COL26A1: variants seen among roughly 807,000 people sequenced by gnomAD.
The protein encoded by COL26A1 is collagen alpha-1(XXVI) chain.
Under a neutral mutation model 59.3 loss-of-function variants are expected in COL26A1, and 41 were observed. That is an observed-to-expected ratio of 0.69 (90% CI 0.54 to 0.90). The LOEUF (loss-of-function observed/expected upper bound fraction) is 0.90. Among genes scored for constraint, COL26A1 ranks in the 40% least tolerant of loss-of-function variants. The pLI, the probability that COL26A1 is intolerant of heterozygous loss-of-function variation, is 0.00. For missense variants in COL26A1, 612 were observed against 602.3 expected, an observed-to-expected ratio of 1.02 and a Z score of -0.17; for synonymous variants, 266 against 256.0, an observed-to-expected ratio of 1.04 and a Z score of -0.37.
chr7:101,520,627 G>GACAC lies in COL26A1; in HGVS notation c.386-12453_386-12450dup, dbSNP rs1250474937. ...AGAACCAGGTTGACAGACAAGCACA[G>GACAC]ACACATACACACACACACACACACA... On this transcript the variant is annotated intron_variant, in intron 3 of 12. Coordinates refer to ENST00000313669, the MANE Select transcript of COL26A1 (RefSeq NM_001278563.3). 9.9e-3 allele frequency among the ~76,000 whole-genome samples: 878 copies of GACAC among 88,982 alleles called. 9 individuals are homozygous for GACAC. The highest frequency in any genetic ancestry group is 0.046 in the African/African-American group (687 of 15,072). 58.4% of individuals were successfully genotyped at this position (88,982 alleles called of 152,430 possible).
At chr7:101,525,503 T>TG (rs200341909) in intron 3 of COL26A1, among the ~76,000 whole-genome samples, 2 of 110,666 alleles carry the variant, frequency 1.8e-5, no homozygotes, top group South Asian at 2.6e-4. Flanking sequence ...GTTTTTTTGG[T>TG]TTTTTTTTTT....
chr7:101,424,883 C>T (rs1031902441), intron 2 of COL26A1, among the ~76,000 whole-genome samples: 16 of 152,048 alleles, frequency 1.1e-4, no homozygotes, highest in African/African-American at 2.9e-4. Flanking sequence ...CCCACCCTGC[C>T]CCGCTCTAGC....
chr7:101,500,311 A>T (rs1794676113), intron 3 of COL26A1, among the ~76,000 whole-genome samples: 2 of 152,354 alleles, frequency 1.3e-5, no homozygotes, highest in East Asian at 3.9e-4. Flanking sequence ...TACAAGGCTC[A>T]TAGCTGCCTT....
chr7:101,536,496 AG>A (rs1269768141), intron 4 of COL26A1, among the ~76,000 whole-genome samples: 2 of 152,234 alleles, frequency 1.3e-5, no homozygotes, highest in Non-Finnish European at 2.9e-5. Context: ...ATCAGAGGCT[AG>A]GGGTCAGCCA....
At chr7:101,439,777 C>G (rs1167801477) in intron 2 of COL26A1, among the ~76,000 whole-genome samples, 2 of 151,596 alleles carry the variant, frequency 1.3e-5, no homozygotes, top group East Asian at 3.9e-4. Context: ...CTTGTTTTTG[C>G]CTCCAAAATC....
rs575906369 is a variant in COL26A1, at chr7:101,372,202, G to T, written c.158+9012G>T. ...GTTTTTTGAGACGGAGTCTGGCTGT[G>T]TTGCCCAGGCTGGAGTGCAGTGGTG... On this transcript the variant is annotated intron_variant, in intron 1 of 12. Transcript: ENST00000313669. Among the ~76,000 whole-genome samples the T allele has an allele frequency of 2.0e-4, 31 of 151,820 alleles. 1 individual carries two copies. The highest frequency in any genetic ancestry group is 2.0e-3 in the Admixed American group (30 of 15,256).
chr7:101,510,574 T>A (rs1452933020), intron 3 of COL26A1, among the ~76,000 whole-genome samples: 1 of 152,000 alleles, frequency 6.6e-6, no homozygotes, highest in Non-Finnish European at 1.5e-5. Flanking sequence ...TGGGGCTGAG[T>A]CAGGCTCACT....
At chr7:101,395,359 T>C (rs546027228) in intron 1 of COL26A1, among the ~76,000 whole-genome samples, 1 of 152,362 alleles carries the variant, frequency 6.6e-6, no homozygotes, top group Non-Finnish European at 1.5e-5. Context: ...AGCTTTTTCA[T>C]GTGTGACCCT....
intron 2 of COL26A1, among the ~76,000 whole-genome samples, chr7:101,440,310 G>A (rs1793022914): frequency 6.6e-6 from 1 of 152,120 alleles, no homozygotes; most frequent in African/African-American, 2.4e-5. Flanking sequence ...AGGCTGCAGG[G>A]AGCTGAGATC....
chr7:101,527,611 G>A (rs1399052788), intron 3 of COL26A1, among the ~76,000 whole-genome samples: 1 of 152,088 alleles, frequency 6.6e-6, no homozygotes, highest in Non-Finnish European at 1.5e-5. Context: ...TTGGATTACA[G>A]GCGTGAGCCA....
intron 3 of COL26A1, among the ~76,000 whole-genome samples, chr7:101,527,662 C>T (rs1384259556): frequency 2.0e-5 from 3 of 152,180 alleles, no homozygotes; most frequent in Non-Finnish European, 4.4e-5. Context: ...CTTGCTTGTG[C>T]ACCCACAAAC....
chr7:101,405,314 G>A (rs559000755), intron 1 of COL26A1, among the ~76,000 whole-genome samples: 2 of 151,694 alleles, frequency 1.3e-5, no homozygotes, highest in Non-Finnish European at 2.9e-5. Context: ...AAGGAGACAA[G>A]ACTTTTTACC....
rs746326975 is a variant in COL26A1, at chr7:101,544,135, C to T, written c.703+39C>T. 43 of 1,485,856 alleles carry T rather than the reference C, an allele frequency of 2.9e-5. No individual in the cohort carries two copies. The Admixed American group carries it at 3.6e-4, about 13-fold the overall frequency. The allele number at this position is 1,485,856 out of a possible 1,614,324, so 92.0% of individuals were successfully genotyped here. On this transcript the variant is annotated intron_variant, in intron 6 of 12. Transcript: ENST00000313669. ...CCACATATGTGATGTTGTCAACCTG[C>T]GGAAGGGGCTGGGCTTTCTTCTCTA...
At chr7:101,443,872 CT>C (rs11352431) in intron 2 of COL26A1, among the ~76,000 whole-genome samples, 47,631 of 124,406 alleles carry the variant, frequency 0.38, 10,151 homozygotes, top group Admixed American at 0.52. Flanking sequence ...TTTTTCTTTT[CT>C]TTTTTTTTTT....
Position 101,520,662 on chromosome 7 carries a change from A to ACACACACACACACACACACACACACCC in COL26A1, c.386-12419_386-12418insACACACACACACACACACACACACCCC, listed in dbSNP as rs915256077. Among the ~76,000 whole-genome samples the ACACACACACACACACACACACACACCC allele has an allele frequency of 1.8e-3, 262 of 143,318 alleles. 2 individuals are homozygous for ACACACACACACACACACACACACACCC. Among genetic ancestry groups the ACACACACACACACACACACACACACCC allele is most frequent in the African/African-American group, 6.6e-3 (254 of 38,696 alleles). The allele number at this position is 143,318 out of a possible 152,430, so 94.0% of individuals were successfully genotyped here. On this transcript the variant is annotated intron_variant, in intron 3 of 12. Coordinates refer to ENST00000313669, the MANE Select transcript of COL26A1 (RefSeq NM_001278563.3). ...CACACACACACACACACACACACACACCCCCGTGTTCTTGCATGTTTTTGC... is the reference window on the plus strand; with the variant it reads ...CACACACACACACACACACACACACACACACACACACACACACACACACACCCCCCCCGTGTTCTTGCATGTTTTTGC...
chr7:101,546,296 G>A (rs1795734243), intron 7 of COL26A1, among the ~76,000 whole-genome samples: 1 of 152,104 alleles, frequency 6.6e-6, no homozygotes, highest in Non-Finnish European at 1.5e-5. Flanking sequence ...ATGCAGTGGC[G>A]CCATCATAGC....
At chr7:101,511,168 C>T (rs1794916104) in intron 3 of COL26A1, among the ~76,000 whole-genome samples, 1 of 150,930 alleles carries the variant, frequency 6.6e-6, no homozygotes, top group African/African-American at 2.4e-5. Context: ...TCCCAAAGTG[C>T]TGGGATTACA....
At chr7:101,507,430 G>C (rs1035863239) in intron 3 of COL26A1, among the ~76,000 whole-genome samples, 5 of 151,688 alleles carry the variant, frequency 3.3e-5, no homozygotes, top group Admixed American at 2.6e-4. Flanking sequence ...TTGTTGGGTG[G>C]GGGGAGCAGG....
Position 101,380,964 on chromosome 7 carries a change from G to A in COL26A1, c.158+17774G>A, listed in dbSNP as rs139203785. 7.2e-5 allele frequency among the ~76,000 whole-genome samples: 11 copies of A among 152,298 alleles called. No individual in the cohort carries two copies. In the East Asian group the frequency reaches 2.1e-3, roughly 29 times the overall value. On this transcript the variant is annotated intron_variant, in intron 1 of 12. Transcript: ENST00000313669. ...TTTTCTTCTGTAGCTCTAGGTTCTA[G>A]GTTGTTCTCTGTCATCCTTGCCTGG...
Sources: gnomAD v4.1 joint callset for allele counts (sites outside exome capture counted in the v4.1 genomes callset) on GRCh38, gnomAD v4.1.1 for gene constraint, MANE v1.5 for transcripts, NCBI Gene and HGNC (gene_info 2026-07-23, HGNC 2026-07-21) for gene names.